The following RSPO2 variants were observed in gnomAD, a reference collection of about 807,000 sequenced individuals.
RSPO2 encodes the protein R-spondin-2.
In RSPO2, 14 loss-of-function variants were observed where a neutral mutation model predicts 30.9. The ratio of observed to expected loss-of-function variants is 0.45; its 90% CI spans 0.30 to 0.71. The LOEUF (loss-of-function observed/expected upper bound fraction) is 0.71. Among genes scored for constraint, RSPO2 ranks in the 30% least tolerant of loss-of-function variants. The pLI is 0.08. For missense variants in RSPO2, 264 were observed against 301.9 expected, an observed-to-expected ratio of 0.87 and a Z score of 0.93; for synonymous variants, 107 against 96.4, an observed-to-expected ratio of 1.11 and a Z score of -0.64.
At chr8:108,027,004 TAACC>T (rs1352918330) in intron 2 of RSPO2, among the ~76,000 whole-genome samples, 1 of 152,052 alleles carries the variant, frequency 6.6e-6, no homozygotes, top group East Asian at 1.9e-4. Flanking sequence ...GGAAAAGCAA[TAACC>T]AACCAATCCA....
chr8:108,016,395 C>T (rs1810890171), intron 2 of RSPO2, among the ~76,000 whole-genome samples: 1 of 152,118 alleles, frequency 6.6e-6, no homozygotes, highest in African/African-American at 2.4e-5. Context: ...ATAAAGCAGC[C>T]AGACTAGACT....
chr8:108,075,299 G>A (rs987900861), intron 2 of RSPO2, among the ~76,000 whole-genome samples: 2 of 152,116 alleles, frequency 1.3e-5, no homozygotes, highest in Non-Finnish European at 2.9e-5. Context: ...TGGCCAACAT[G>A]GCAAAACCCC....
At chr8:107,914,072 T>G (rs1279428045) in intron 5 of RSPO2, among the ~76,000 whole-genome samples, 2 of 152,102 alleles carry the variant, frequency 1.3e-5, no homozygotes, top group African/African-American at 2.4e-5. Context: ...CAAGAAGAGA[T>G]TCACAGTCCA....
At chr8:108,058,707 A>T (rs1165968032) in intron 2 of RSPO2, among the ~76,000 whole-genome samples, 1 of 151,870 alleles carries the variant, frequency 6.6e-6, no homozygotes, top group African/African-American at 2.4e-5. Flanking sequence ...ATTTACAACT[A>T]TCTGATCTTT....
chr8:108,027,612 C>G (rs1403473219), intron 2 of RSPO2, among the ~76,000 whole-genome samples: 1 of 151,850 alleles, frequency 6.6e-6, no homozygotes, highest in Non-Finnish European at 1.5e-5. Context: ...CTATTCATTC[C>G]AAGCCAACAG....
intron 2 of RSPO2, among the ~76,000 whole-genome samples, chr8:108,066,989 A>G (rs1812693901): frequency 6.6e-6 from 1 of 152,178 alleles, no homozygotes; most frequent in Non-Finnish European, 1.5e-5. Context: ...ATCTAATCCA[A>G]CCTTCAAGGA....
intron 2 of RSPO2, among the ~76,000 whole-genome samples, chr8:108,065,868 T>C (rs1414794433): frequency 6.6e-6 from 1 of 151,982 alleles, no homozygotes; most frequent in East Asian, 1.9e-4. Context: ...TGAAACCCCA[T>C]CTCTACTAAA....
chr8:107,977,770 G>T (rs1302481464), intron 3 of RSPO2, among the ~76,000 whole-genome samples: 3 of 152,034 alleles, frequency 2.0e-5, no homozygotes, highest in Non-Finnish European at 4.4e-5. Flanking sequence ...TGATGTAGCA[G>T]TTTCACTCCC....
intron 2 of RSPO2, among the ~76,000 whole-genome samples, chr8:108,024,782 G>T (rs776434307): frequency 6.6e-6 from 1 of 152,210 alleles, no homozygotes. Context: ...CACTTTGGGA[G>T]GCCAAGGTGG....
chr8:107,930,379 A>G (rs1309248169), intron 5 of RSPO2, among the ~76,000 whole-genome samples: 3 of 152,226 alleles, frequency 2.0e-5, no homozygotes, highest in Non-Finnish European at 4.4e-5. Context: ...TAGGTTTGCA[A>G]TAAGGTTGAA....
intron 3 of RSPO2, among the ~76,000 whole-genome samples, chr8:107,967,010 G>C (rs758038481): frequency 6.6e-6 from 1 of 152,072 alleles, no homozygotes; most frequent in Non-Finnish European, 1.5e-5. Flanking sequence ...TGCTCCAACT[G>C]CTCTTATTTT....
At chr8:108,081,899 G>A (rs1813211503) in intron 2 of RSPO2, 1 of 985,190 alleles carries the variant, frequency 1.0e-6, no homozygotes, top group Non-Finnish European at 1.2e-6. Flanking sequence ...GAAAACCAGC[G>A]CGGGAATTGC....
At chr8:107,983,317 C>A in intron 3 of RSPO2, 1 of 1,607,118 alleles carries the variant, frequency 6.2e-7, no homozygotes, top group Non-Finnish European at 8.5e-7. Flanking sequence ...TATGAAACAG[C>A]TCCTCCTCAT....
At chr8:107,981,663 T>C (rs1814439043) in intron 3 of RSPO2, among the ~76,000 whole-genome samples, 1 of 152,164 alleles carries the variant, frequency 6.6e-6, no homozygotes, top group African/African-American at 2.4e-5. Flanking sequence ...TGGATTTTCT[T>C]ATATGTTAAA....
intron 5 of RSPO2, among the ~76,000 whole-genome samples, chr8:107,924,019 A>G (rs749934245): frequency 6.6e-6 from 1 of 151,886 alleles, no homozygotes; most frequent in Non-Finnish European, 1.5e-5. Flanking sequence ...TGATTAAATA[A>G]TCTGTACAAA....
At chr8:107,950,482 A>G (rs557008926) in intron 5 of RSPO2, among the ~76,000 whole-genome samples, 1 of 96,802 alleles carries the variant, frequency 1.0e-5, no homozygotes, top group South Asian at 5.3e-4. Context: ...AATAGGTTAC[A>G]TTTTGGGGTG....
chr8:107,969,613 C>T (rs1318698103), intron 3 of RSPO2, among the ~76,000 whole-genome samples: 2 of 152,062 alleles, frequency 1.3e-5, no homozygotes, highest in East Asian at 3.9e-4. Context: ...ATTCTCAAAA[C>T]AAATGAAATT....
At chr8:107,938,958 T>A (rs1586561230) in intron 5 of RSPO2, among the ~76,000 whole-genome samples, 1 of 152,130 alleles carries the variant, frequency 6.6e-6, no homozygotes, top group Non-Finnish European at 1.5e-5. Flanking sequence ...GCATTTTTAA[T>A]GAATAGTAGG....
At chr8:107,984,619 C>T (rs771730306) in intron 3 of RSPO2, among the ~76,000 whole-genome samples, 5 of 152,048 alleles carry the variant, frequency 3.3e-5, no homozygotes, top group Admixed American at 6.6e-5. Flanking sequence ...AATCAGGGTG[C>T]GTTTCAAGTT....
Sources: allele counts gnomAD v4.1 joint callset (sites outside exome capture counted in the v4.1 genomes callset), GRCh38; gene constraint gnomAD v4.1.1; transcripts MANE v1.5; gene names NCBI Gene and HGNC (gene_info 2026-07-23, HGNC 2026-07-21).